EPHA5: variants seen among roughly 807,000 people sequenced by gnomAD.
EPHA5 encodes EPH receptor A5.
EPHA5 carries 60 observed loss-of-function variants against 105.0 expected under a neutral mutation model. The observed-to-expected ratio is 0.57, with a 90% CI of 0.46 to 0.71. The LOEUF (loss-of-function observed/expected upper bound fraction) is 0.71, where lower values mean the gene tolerates loss of function less well. EPHA5 is among the 30% of genes least tolerant of loss of function. The pLI is 0.00. For synonymous variants in EPHA5, 513 were observed against 449.1 expected (o/e 1.14, Z -1.80); for missense variants, 1,218 against 1,274.7 (o/e 0.96, Z 0.68).
intron 2 of EPHA5, among the ~76,000 whole-genome samples, chr4:65,618,304 A>T (rs934870129): frequency 1.3e-5 from 2 of 152,198 alleles, no homozygotes; most frequent in Non-Finnish European, 2.9e-5. Context: ...TTTGATTATA[A>T]TTACCACCCT....
At chr4:65,348,677 TATATATATATATATATATATAA>T (rs202141347) in intron 13 of EPHA5, among the ~76,000 whole-genome samples, 12,865 of 99,072 alleles carry the variant, frequency 0.13, 915 homozygotes, top group Middle Eastern at 0.18. Context: ...TATATATATA[TATATATATATATATATATATAA>T]AATATATATG....
At chr4:65,573,294 C>T (rs1740406885) in intron 3 of EPHA5, among the ~76,000 whole-genome samples, 2 of 150,570 alleles carry the variant, frequency 1.3e-5, no homozygotes. Flanking sequence ...GCCTGTGGTC[C>T]CAGCTACTTG....
chr4:65,491,220 G>A (rs894021813), intron 4 of EPHA5, among the ~76,000 whole-genome samples: 22 of 150,180 alleles, frequency 1.5e-4, no homozygotes, highest in South Asian at 1.0e-3. Context: ...AAAATAGATT[G>A]CATATCTAGT....
At chr4:65,638,806 A>T (rs1414656661) in intron 2 of EPHA5, among the ~76,000 whole-genome samples, 3 of 152,066 alleles carry the variant, frequency 2.0e-5, no homozygotes, top group Non-Finnish European at 4.4e-5. Flanking sequence ...GTTATATGAG[A>T]CTCACTCAAG....
At chr4:65,578,217 A>C (rs972011818) in intron 3 of EPHA5, among the ~76,000 whole-genome samples, 21 of 151,980 alleles carry the variant, frequency 1.4e-4, no homozygotes, top group African/African-American at 4.8e-4. Flanking sequence ...CTCCACCCCC[A>C]TCCCTAGTCT....
intron 8 of EPHA5, among the ~76,000 whole-genome samples, chr4:65,368,339 C>T (rs541375632): frequency 6.6e-6 from 1 of 152,072 alleles, no homozygotes; most frequent in East Asian, 1.9e-4. Context: ...AGGGGTATTC[C>T]ACCAACATTC....
chr4:65,504,369 T>A (rs10004870), intron 3 of EPHA5, among the ~76,000 whole-genome samples: 23,399 of 149,534 alleles, frequency 0.16, 2,053 homozygotes, highest in East Asian at 0.19. Context: ...TTGAAAAATA[T>A]ATATATATAT....
At chr4:65,479,336 C>A (rs1445971071) in intron 5 of EPHA5, among the ~76,000 whole-genome samples, 1 of 152,044 alleles carries the variant, frequency 6.6e-6, no homozygotes, top group Non-Finnish European at 1.5e-5. Flanking sequence ...AGGATGGAAA[C>A]CAGAAAGTCC....
rs1339737963 is a variant in EPHA5, at chr4:65,330,708, AAAT to A, written c.2945+1262_2945+1264del. ...GAAAAATTAAATAGCAATCATGTAA[AAAT>A]AGTTTTAAATTATCAGTAAATTTTT... On this transcript the variant is annotated intron_variant, in intron 16 of 16. Coordinates refer to ENST00000613740, the MANE Select transcript of EPHA5 (RefSeq NM_001281766.3). 5 of 911,744 alleles carry A rather than the reference AAAT, an allele frequency of 5.5e-6. No homozygotes were observed. The African/African-American group carries it at 7.1e-5, about 13-fold the overall frequency. 56.5% of individuals were successfully genotyped at this position (911,744 alleles called of 1,614,324 possible).
At chr4:65,418,862 CTTTTTTTTTTTTTTTTTTTTT>C (rs575608289) in intron 6 of EPHA5, among the ~76,000 whole-genome samples, 11 of 47,074 alleles carry the variant, frequency 2.3e-4, no homozygotes, top group Admixed American at 3.1e-4. Context: ...TACCTAAACT[CTTTTTTTTTTTTTTTTTTTTT>C]TTTTTTTTTT....
At chr4:65,480,380 A>G (rs1347049631) in intron 5 of EPHA5, among the ~76,000 whole-genome samples, 2 of 152,186 alleles carry the variant, frequency 1.3e-5, no homozygotes, top group African/African-American at 4.8e-5. Context: ...TCAGAATTCA[A>G]AAAACTCAGT....
At chr4:65,465,359 G>C (rs1728513345) in intron 5 of EPHA5, among the ~76,000 whole-genome samples, 1 of 151,810 alleles carries the variant, frequency 6.6e-6, no homozygotes, top group African/African-American at 2.4e-5. Context: ...CCAGGAGGCA[G>C]AAGTTGCAGT....
intron 5 of EPHA5, among the ~76,000 whole-genome samples, chr4:65,472,418 G>A (rs922282916): frequency 6.6e-6 from 1 of 152,210 alleles, no homozygotes; most frequent in African/African-American, 2.4e-5. Flanking sequence ...TGGGGACACT[G>A]TGTGGGTGCT....
intron 2 of EPHA5, among the ~76,000 whole-genome samples, chr4:65,617,869 G>A (rs947557664): frequency 5.3e-5 from 8 of 152,092 alleles, no homozygotes; most frequent in African/African-American, 1.9e-4. Context: ...CAGTTGGCAA[G>A]CCCATAGAGG....
chr4:65,670,246 T>C lies in EPHA5; in HGVS notation c.-504A>G, dbSNP rs1379079672. 4.3e-6 allele frequency: 1 copy of C among 234,192 alleles called. No individual in the cohort carries two copies. The highest frequency in any genetic ancestry group is 6.0e-5 in the East Asian group (1 of 16,564). The allele number at this position is 234,192 out of a possible 1,614,324, so 14.5% of individuals were successfully genotyped here. On this transcript the variant is annotated 5_prime_UTR_variant, in exon 1 of 17. Transcript: ENST00000613740. ...AGAGGACTTGAGAAAATGTGGAGAA[T>C]GAAAAACAGGAGAGCAGCGAGCAAA...
At chr4:65,603,825 C>T (rs1015795847) in intron 2 of EPHA5, among the ~76,000 whole-genome samples, 3 of 152,010 alleles carry the variant, frequency 2.0e-5, no homozygotes, top group Admixed American at 6.6e-5. Flanking sequence ...ACTTAGCTCC[C>T]TATTTTCTAA....
intron 8 of EPHA5, among the ~76,000 whole-genome samples, chr4:65,403,761 T>C (rs1253832333): frequency 1.3e-5 from 2 of 152,100 alleles, no homozygotes; most frequent in East Asian, 3.8e-4. Context: ...ATGTAATATA[T>C]TATATATTCA....
intron 2 of EPHA5, among the ~76,000 whole-genome samples, chr4:65,606,341 CT>C (rs1560764433): frequency 6.6e-6 from 1 of 152,090 alleles, no homozygotes; most frequent in Non-Finnish European, 1.5e-5. Context: ...ATACATATAA[CT>C]TCTTAATTCA....
rs186384495 is a variant in EPHA5 at position 65,631,226 on chromosome 4, T to C, written c.246+12137A>G. 2.0e-5 allele frequency among the ~76,000 whole-genome samples: 3 copies of C among 152,320 alleles called. No individual in the cohort carries two copies. In the East Asian group the frequency reaches 5.8e-4, roughly 29 times the overall value. On this transcript the variant is annotated intron_variant, in intron 2 of 16. Transcript: ENST00000613740. ...CACTGTGCATTTTCCCTTCTTGCTG[T>C]AATTAGTATGCATTCCTGTTTTGAT...
Sources: allele counts gnomAD v4.1 joint callset (sites outside exome capture counted in the v4.1 genomes callset), GRCh38; gene constraint gnomAD v4.1.1; transcripts MANE v1.5; gene names NCBI Gene and HGNC (gene_info 2026-07-23, HGNC 2026-07-21).